The following FYB1 variants were observed in gnomAD, a reference collection of about 807,000 sequenced individuals.
The protein encoded by FYB1 is FYN-binding protein 1.
Under a neutral mutation model 94.1 loss-of-function variants are expected in FYB1, and 41 were observed. That is an observed-to-expected ratio of 0.44 (90% CI 0.34 to 0.57). The LOEUF is 0.57. Ranked by LOEUF, FYB1 falls within the 20% of genes least tolerant of loss-of-function variation. The pLI, the probability that FYB1 is intolerant of heterozygous loss-of-function variation, is 0.02. For missense variants in FYB1, 1,050 were observed against 976.8 expected (o/e 1.07, Z -1.00); for synonymous variants, 367 against 353.2 (o/e 1.04, Z -0.44).
At chr5:39,245,332 G>A (rs1202022217) in intron 1 of FYB1, among the ~76,000 whole-genome samples, 1 of 152,200 alleles carries the variant, frequency 6.6e-6, no homozygotes, top group African/African-American at 2.4e-5. Context: ...GGGTGTGTGT[G>A]CATCTTTTGC....
At chr5:39,245,819 C>T (rs905370448) in intron 1 of FYB1, among the ~76,000 whole-genome samples, 8 of 152,082 alleles carry the variant, frequency 5.3e-5, no homozygotes, top group Non-Finnish European at 7.4e-5. Flanking sequence ...AGGCTGGTCT[C>T]GAACTCCTGA....
intron 14 of FYB1, among the ~76,000 whole-genome samples, chr5:39,120,986 T>C (rs1380626771): frequency 6.6e-6 from 1 of 152,046 alleles, no homozygotes. Flanking sequence ...TATTGAAATT[T>C]ATTTAAAAAT....
At chr5:39,231,337 C>T (rs547093384) in intron 1 of FYB1, among the ~76,000 whole-genome samples, 3 of 152,062 alleles carry the variant, frequency 2.0e-5, no homozygotes, top group South Asian at 4.2e-4. Context: ...ATGGCAAGTA[C>T]GAAATACATG....
At chr5:39,218,223 G>T (rs1256176079) in intron 1 of FYB1, among the ~76,000 whole-genome samples, 1 of 152,192 alleles carries the variant, frequency 6.6e-6, no homozygotes, top group Non-Finnish European at 1.5e-5. Context: ...TCCACGGGGT[G>T]CCTTAAGTGC....
At chr5:39,134,443 C>A in intron 8 of FYB1, 94 bp from the exon 9 acceptor site, 1 of 1,094,960 alleles carries the variant, frequency 9.1e-7, no homozygotes, top group Non-Finnish European at 1.3e-6. Context: ...GCTCTTTAAA[C>A]TTTCCCCTGA....
chr5:39,169,514 G>A lies in FYB1; in HGVS notation c.1136-15910C>T, dbSNP rs1377327799. On this transcript the variant is annotated intron_variant, in intron 2 of 18. Coordinates refer to ENST00000512982, the MANE Select transcript of FYB1 (RefSeq NM_001465.6). ...AAGACCCGTTACTACTACTTCCAGA[G>A]GCAGAGTCCATCTGCTGTTTGAGGT... 6.8e-6 allele frequency: 4 copies of A among 588,976 alleles called. No individual in the cohort carries two copies. In the Admixed American group the frequency reaches 7.6e-5, roughly 11 times the overall value. The allele number at this position is 588,976 out of a possible 1,614,324, so 36.5% of individuals were successfully genotyped here.
chr5:39,127,860 A>G, intron 10 of FYB1, 53 bp from the exon 11 acceptor site: 1 of 1,508,318 alleles, frequency 6.6e-7, no homozygotes, highest in Non-Finnish European at 8.9e-7. Flanking sequence ...TTGGCCATGT[A>G]ATGCTCACTC....
chr5:39,108,281 AT>A lies in FYB1; in HGVS notation c.2436-20del. Reference sequence around the variant, plus strand: ...TCCATCACTGTAAATGTAAAAAAAAATTTTTATTTTAAAGAAACTATGTTCT... The same window carrying A: ...TCCATCACTGTAAATGTAAAAAAAAATTTTATTTTAAAGAAACTATGTTCT... On this transcript the variant is annotated intron_variant, in intron 17 of 18. Transcript: ENST00000512982. 1 of 1,513,690 alleles carries A rather than the reference AT, an allele frequency of 6.6e-7. No individual in the cohort carries two copies. 93.8% of individuals were successfully genotyped at this position (1,513,690 alleles called of 1,614,324 possible).
At chr5:39,148,859 A>G (rs866796585) in intron 3 of FYB1, among the ~76,000 whole-genome samples, 36 of 152,222 alleles carry the variant, frequency 2.4e-4, no homozygotes, top group African/African-American at 7.7e-4. Flanking sequence ...TTCCTGTCTC[A>G]TTACTATTAA....
At chr5:39,240,807 A>G (rs1205961222) in intron 1 of FYB1, among the ~76,000 whole-genome samples, 1 of 152,210 alleles carries the variant, frequency 6.6e-6, no homozygotes, top group Non-Finnish European at 1.5e-5. Flanking sequence ...CGATTCAGCA[A>G]TTCCATTATT....
intron 2 of FYB1, among the ~76,000 whole-genome samples, chr5:39,183,202 T>C (rs1355847896): frequency 6.6e-6 from 1 of 152,128 alleles, no homozygotes; most frequent in African/African-American, 2.4e-5. Flanking sequence ...GTCAGGCTGG[T>C]CTCGAACTCC....
At chr5:39,172,821 T>G (rs139653783) in intron 2 of FYB1, among the ~76,000 whole-genome samples, 7,441 of 152,322 alleles carry the variant, frequency 0.049, 301 homozygotes, top group Non-Finnish European at 0.074. Context: ...GGTGTATATA[T>G]ACCATATTTT....
chr5:39,188,475 C>T (rs1017068142), intron 2 of FYB1, among the ~76,000 whole-genome samples: 4 of 151,598 alleles, frequency 2.6e-5, no homozygotes, highest in Admixed American at 1.3e-4. Context: ...CTAACCCCAA[C>T]GTACCACCCC....
intron 2 of FYB1, among the ~76,000 whole-genome samples, chr5:39,184,122 A>C (rs1474579800): frequency 2.0e-5 from 3 of 152,184 alleles, no homozygotes; most frequent in African/African-American, 7.2e-5. Flanking sequence ...AATAATTAAA[A>C]ATTAATTTTC....
At chr5:39,259,933 T>C (rs1479485568) in intron 1 of FYB1, among the ~76,000 whole-genome samples, 1 of 151,926 alleles carries the variant, frequency 6.6e-6, no homozygotes, top group Non-Finnish European at 1.5e-5. Context: ...CATGGGATGT[T>C]AGTGCTAAAA....
intron 11 of FYB1, 33 bp from the exon 12 acceptor site, chr5:39,126,168 A>G (rs1159484531): frequency 6.2e-7 from 1 of 1,604,750 alleles, no homozygotes; most frequent in Non-Finnish European, 8.5e-7. Context: ...TCAGAATGTA[A>G]TAATCAGCGG....
intron 16 of FYB1, among the ~76,000 whole-genome samples, chr5:39,112,904 T>C (rs1275496893): frequency 2.0e-5 from 3 of 152,120 alleles, no homozygotes; most frequent in Admixed American, 1.3e-4. Flanking sequence ...TAATTGGGAC[T>C]ATTATTTAAG....
At position 39,238,129 on chromosome 5, in the gene FYB1, TA is replaced by T. The variant is rs540172815; in HGVS notation, c.-27-35143del. ...ACTTTATGCCACTGAACTGTACCCT[TA>T]AAAATGGTTAAGATGGTAAATTTTG... On this transcript the variant is annotated intron_variant, in intron 1 of 1. Transcript: ENST00000510188. Among the ~76,000 whole-genome samples, 137 of 152,154 alleles carry T rather than the reference TA, an allele frequency of 9.0e-4. 3 individuals carry two copies. The highest frequency in any genetic ancestry group is 3.1e-3 in the African/African-American group (128 of 41,532).
intron 1 of FYB1, chr5:39,210,927 A>G (rs1480415800): frequency 1.3e-5 from 2 of 152,182 alleles, no homozygotes; most frequent in Non-Finnish European, 2.9e-5. Flanking sequence ...TGAGTTCTTG[A>G]TGTGGATAGA....
Sources: allele counts gnomAD v4.1 joint callset (sites outside exome capture counted in the v4.1 genomes callset), GRCh38; gene constraint gnomAD v4.1.1; transcripts MANE v1.5; gene names NCBI Gene and HGNC (gene_info 2026-07-23, HGNC 2026-07-21).